KCNB2: variants seen among roughly 807,000 people sequenced by gnomAD.
KCNB2 encodes potassium voltage-gated channel subfamily B member 2.
Under a neutral mutation model 61.5 loss-of-function variants are expected in KCNB2, and 15 were observed. That is an observed-to-expected ratio of 0.24 (90% CI 0.16 to 0.38). KCNB2 has a LOEUF of 0.38. Ranked by LOEUF, KCNB2 falls within the 10% of genes least tolerant of loss-of-function variation. The pLI, the probability that KCNB2 is intolerant of heterozygous loss-of-function variation, is 1.00. For missense variants in KCNB2, 828 were observed against 1,125.2 expected (o/e 0.74, Z 3.78); for synonymous variants, 457 against 446.0 (o/e 1.02, Z -0.31).
rs567680108 is a variant in KCNB2, at chr8:72,623,326, G to A, written c.579+55013G>A. 1.2e-4 allele frequency among the ~76,000 whole-genome samples: 19 copies of A among 152,288 alleles called. No individual in the cohort carries two copies. The South Asian group carries it at 3.9e-3, about 32-fold the overall frequency. ...CCTTTCTGGAGTTGTTTTGATTCCA[G>A]GAGTACAGAGACTTAACTCCAGCTT... is the stretch of plus-strand genomic sequence containing the variant. On this transcript the variant is annotated intron_variant, in intron 2 of 2. Coordinates refer to ENST00000523207, the MANE Select transcript of KCNB2 (RefSeq NM_004770.3).
intron 2 of KCNB2, among the ~76,000 whole-genome samples, chr8:72,902,985 A>G (rs1806113733): frequency 6.6e-6 from 1 of 152,212 alleles, no homozygotes; most frequent in South Asian, 2.1e-4. Context: ...ATCTTCAGAA[A>G]TAAGGGTGGT....
chr8:72,737,130 T>C (rs1807860695), intron 2 of KCNB2, among the ~76,000 whole-genome samples: 1 of 151,968 alleles, frequency 6.6e-6, no homozygotes, highest in South Asian at 2.1e-4. Flanking sequence ...TAAAAAATAC[T>C]CTTTCTCAGG....
intron 2 of KCNB2, among the ~76,000 whole-genome samples, chr8:72,635,706 A>G (rs1231314538): frequency 6.6e-6 from 1 of 152,192 alleles, no homozygotes; most frequent in Non-Finnish European, 1.5e-5. Context: ...AAGGATGTAG[A>G]AACTTTGTTT....
intron 2 of KCNB2, among the ~76,000 whole-genome samples, chr8:72,898,706 G>A (rs536696764): frequency 1.2e-4 from 19 of 152,136 alleles, no homozygotes; most frequent in Non-Finnish European, 2.5e-4. Context: ...ACATGTGCAG[G>A]TTTGTTACAT....
chr8:72,881,909 A>C (rs1471164179), intron 2 of KCNB2, among the ~76,000 whole-genome samples: 1 of 152,226 alleles, frequency 6.6e-6, no homozygotes, highest in Non-Finnish European at 1.5e-5. Context: ...CCTGTCACTG[A>C]AAGGCCATTA....
At chr8:72,550,883 T>G (rs1306228539) in intron 1 of KCNB2, among the ~76,000 whole-genome samples, 1 of 152,154 alleles carries the variant, frequency 6.6e-6, no homozygotes, top group African/African-American at 2.4e-5. Flanking sequence ...CAGGCGATAT[T>G]TGGAGATTCA....
chr8:72,645,886 T>C (rs1452553483), intron 2 of KCNB2, among the ~76,000 whole-genome samples: 2 of 152,202 alleles, frequency 1.3e-5, no homozygotes, highest in Non-Finnish European at 2.9e-5. Context: ...ACTGTGGTCA[T>C]TGATATTTAA....
intron 2 of KCNB2, among the ~76,000 whole-genome samples, chr8:72,815,109 C>A (rs968875549): frequency 2.2e-4 from 34 of 152,238 alleles, no homozygotes; most frequent in African/African-American, 8.2e-4. Flanking sequence ...TTCATGAGCT[C>A]TTTAACAAAA....
chr8:72,780,138 A>C (rs1015738054), intron 2 of KCNB2, among the ~76,000 whole-genome samples: 1 of 152,176 alleles, frequency 6.6e-6, no homozygotes, highest in African/African-American at 2.4e-5. Flanking sequence ...CTAAGAGCCA[A>C]ATACTTTACG....
At chr8:72,660,151 G>A (rs1317704174) in intron 2 of KCNB2, among the ~76,000 whole-genome samples, 1 of 152,168 alleles carries the variant, frequency 6.6e-6, no homozygotes, top group Non-Finnish European at 1.5e-5. Flanking sequence ...TTCATCTTGT[G>A]GGTGAAAAGC....
chr8:72,652,922 T>C (rs1429559636), intron 2 of KCNB2, among the ~76,000 whole-genome samples: 1 of 152,152 alleles, frequency 6.6e-6, no homozygotes, highest in African/African-American at 2.4e-5. Context: ...GTCAGCAGTG[T>C]TGATGCCTTC....
chr8:72,577,725 C>T (rs1806820694), intron 2 of KCNB2, among the ~76,000 whole-genome samples: 1 of 152,182 alleles, frequency 6.6e-6, no homozygotes, highest in Non-Finnish European at 1.5e-5. Context: ...AAGCCTACGC[C>T]ACAGCAGTGC....
intron 2 of KCNB2, among the ~76,000 whole-genome samples, chr8:72,781,220 T>C (rs1808748568): frequency 6.6e-6 from 1 of 152,212 alleles, no homozygotes; most frequent in South Asian, 2.1e-4. Context: ...TTTAGTTTAA[T>C]TAGATCCCAT....
chr8:72,794,920 T>C (rs573345221), intron 2 of KCNB2, among the ~76,000 whole-genome samples: 15 of 151,270 alleles, frequency 9.9e-5, no homozygotes, highest in Non-Finnish European at 2.1e-4. Context: ...GAGGGTCTAA[T>C]AGAGAAGTAA....
At chr8:72,870,843 G>A (rs1261640100) in intron 2 of KCNB2, among the ~76,000 whole-genome samples, 1 of 152,172 alleles carries the variant, frequency 6.6e-6, no homozygotes, top group African/African-American at 2.4e-5. Flanking sequence ...CAGGTGTGGT[G>A]CCATGCACCT....
chr8:72,914,501 G>A (rs1316019761), intron 2 of KCNB2, among the ~76,000 whole-genome samples: 9 of 152,120 alleles, frequency 5.9e-5, no homozygotes, highest in Admixed American at 5.9e-4. Flanking sequence ...GTTCTCAGTT[G>A]GGTTGTTTGA....
intron 2 of KCNB2, among the ~76,000 whole-genome samples, chr8:72,576,403 A>G (rs577460472): frequency 6.6e-6 from 1 of 152,300 alleles, no homozygotes; most frequent in East Asian, 1.9e-4. Flanking sequence ...AGCTCTCGTT[A>G]TATGTTACTG....
At chr8:72,762,882 A>AATATATATATATATATATATAT (rs10551590) in intron 2 of KCNB2, among the ~76,000 whole-genome samples, 2 of 141,606 alleles carry the variant, frequency 1.4e-5, no homozygotes, top group African/African-American at 5.2e-5. Context: ...CATATTAACA[A>AATATATATATATATATATATAT]ATATATATAT....
intron 2 of KCNB2, among the ~76,000 whole-genome samples, chr8:72,604,126 A>G (rs1309519872): frequency 6.6e-6 from 1 of 152,168 alleles, no homozygotes; most frequent in Non-Finnish European, 1.5e-5. Flanking sequence ...ATGACTTGGA[A>G]CAAGTTATTC....
Sources: allele counts gnomAD v4.1 joint callset (sites outside exome capture counted in the v4.1 genomes callset), GRCh38; gene constraint gnomAD v4.1.1; transcripts MANE v1.5; gene names NCBI Gene and HGNC (gene_info 2026-07-23, HGNC 2026-07-21).